GTF2H5: variants seen among roughly 807,000 people sequenced by gnomAD.
GTF2H5 encodes the protein general transcription factor IIH subunit 5.
Under a neutral mutation model 7.1 loss-of-function variants are expected in GTF2H5, and 5 were observed. The observed-to-expected ratio is 0.71, with a 90% confidence interval of 0.37 to 1.49. GTF2H5 has a LOEUF of 1.49. Among genes scored for constraint, GTF2H5 ranks in the 40% most tolerant of loss-of-function variants. The probability of loss-of-function intolerance (pLI) is 0.03; values close to 1 mark genes in which losing one functional copy is unlikely to be tolerated. For synonymous variants in GTF2H5, 30 were observed against 31.7 expected, an observed-to-expected ratio of 0.95 and a Z score of 0.18; for missense variants, 80 against 83.0, an observed-to-expected ratio of 0.96 and a Z score of 0.14.
rs1455513372 is a variant in GTF2H5 at position 158,169,574 on chromosome 6, A to G, written c.-34-896A>G. Among the ~76,000 whole-genome samples, 3 of 93,322 alleles carry G rather than the reference A, an allele frequency of 3.2e-5. 1 individual carries two copies. The highest frequency in any genetic ancestry group is 5.6e-5 in the Non-Finnish European group (3 of 53,480). 61.2% of individuals were successfully genotyped at this position (93,322 alleles called of 152,430 possible). On this transcript the variant is annotated intron_variant, in intron 1 of 2. Transcript: ENST00000607778. ...CTGTATATTATATATAATATATTGT[A>G]TATTATATATAATATATTGTATATT...
In GTF2H5 at chr6:158,179,295, GTTC is replaced by G. The variant is rs1277365774; in HGVS notation, c.35+8763_35+8765del. ...CAGGTAGCGTGATGCCTCTAGTTTT[GTTC>G]TTCTTGCACAGGATTGTCTTGGCTA... On this transcript the variant is annotated intron_variant, in intron 2 of 2. Transcript: ENST00000607778. 7.9e-5 allele frequency among the ~76,000 whole-genome samples: 12 copies of G among 152,268 alleles called. No homozygotes were observed. The South Asian group carries it at 1.7e-3, about 21-fold the overall frequency.
In GTF2H5 at chr6:158,175,036, G is replaced by GTATATA. The variant is rs1161216101; in HGVS notation, c.35+4499_35+4500insATATAT. On this transcript the variant is annotated intron_variant, in intron 2 of 2. Coordinates refer to ENST00000607778, the MANE Select transcript of GTF2H5 (RefSeq NM_207118.3). ...TGTGTGTGTGTGTGTGTGTGTGTGT[G>GTATATA]TGTGTGTGTATACACACACACACAC... is the stretch of plus-strand genomic sequence containing the variant. Among the ~76,000 whole-genome samples, 578 of 146,466 alleles carry GTATATA rather than the reference G, an allele frequency of 3.9e-3. 1 individual carries two copies. The highest frequency in any genetic ancestry group is 0.014 in the African/African-American group (532 of 39,044).
intron 2 of GTF2H5, among the ~76,000 whole-genome samples, chr6:158,175,605 A>G (rs1785923405): frequency 6.6e-6 from 1 of 152,172 alleles, no homozygotes; most frequent in Admixed American, 6.5e-5. Flanking sequence ...CTCTACTAAA[A>G]ATACAAAAAT....
chr6:158,175,112 T>C lies in GTF2H5; in HGVS notation c.35+4574T>C, dbSNP rs1340448427. 6.0e-5 allele frequency among the ~76,000 whole-genome samples: 9 copies of C among 151,062 alleles called. No individual in the cohort carries two copies. In the Admixed American group the frequency reaches 6.0e-4, roughly 10 times the overall value. The stretch of plus-strand genomic sequence containing the variant: ...TAAATATTTGTGTACTGAATAAATT[T>C]TGTTAACAGAATTGAGTCCAGGTTT... On this transcript the variant is annotated intron_variant, in intron 2 of 2. Coordinates refer to ENST00000607778, the MANE Select transcript of GTF2H5 (RefSeq NM_207118.3).
intron 2 of GTF2H5, among the ~76,000 whole-genome samples, chr6:158,176,486 A>C (rs945630739): frequency 2.0e-5 from 3 of 152,168 alleles, no homozygotes; most frequent in African/African-American, 4.8e-5. Flanking sequence ...CGGCCTCCCA[A>C]AATGCTGGGA....
At chr6:158,184,582 C>CA (rs1230888855) in intron 2 of GTF2H5, among the ~76,000 whole-genome samples, 2 of 152,164 alleles carry the variant, frequency 1.3e-5, no homozygotes, top group Non-Finnish European at 2.9e-5. Context: ...CTAATCTAGA[C>CA]ACCCATATCT....
intron 2 of GTF2H5, among the ~76,000 whole-genome samples, chr6:158,176,114 A>G (rs1339196829): frequency 1.3e-5 from 2 of 152,380 alleles, no homozygotes; most frequent in Non-Finnish European, 2.9e-5. Context: ...TTGCTCAGTT[A>G]CATAGCTATT....
At chr6:158,186,779 G>C (rs1274371183) in intron 2 of GTF2H5, among the ~76,000 whole-genome samples, 2 of 152,166 alleles carry the variant, frequency 1.3e-5, no homozygotes, top group Non-Finnish European at 2.9e-5. Flanking sequence ...CAAGGGGAAT[G>C]GGGGGCGGGC....
rs1562468011 is a variant in GTF2H5, at chr6:158,169,432, G to GTA, written c.-34-1034_-34-1033dup. 4.9e-4 allele frequency among the ~76,000 whole-genome samples: 28 copies of GTA among 56,884 alleles called. 1 individual carries two copies. The highest frequency in any genetic ancestry group is 2.4e-3 in the African/African-American group (28 of 11,624). The allele number at this position is 56,884 out of a possible 152,430, so 37.3% of individuals were successfully genotyped here. On this transcript the variant is annotated intron_variant, in intron 1 of 2. Coordinates refer to ENST00000607778, the MANE Select transcript of GTF2H5 (RefSeq NM_207118.3). ...TATTATATATTATATATAATATATT[G>GTA]TATATTATATATATTATATATTATA...
intron 2 of GTF2H5, among the ~76,000 whole-genome samples, chr6:158,188,166 G>T (rs1309587810): frequency 6.6e-6 from 1 of 152,168 alleles, no homozygotes. Context: ...GGGCACCACG[G>T]TCATATGAGT....
chr6:158,169,827 GTGTA>G (rs1301140547), intron 1 of GTF2H5, among the ~76,000 whole-genome samples: 4 of 81,094 alleles, frequency 4.9e-5, no homozygotes, highest in Admixed American at 2.0e-4. Flanking sequence ...ATATAAAAGT[GTGTA>G]TATATATACA....
chr6:158,188,139 G>A lies in GTF2H5; in HGVS notation c.36-3838G>A, dbSNP rs915687381. On this transcript the variant is annotated intron_variant, in intron 2 of 2. Transcript: ENST00000607778. ...ATAGAATATATTGAAGTACTTGTGG[G>A]GCCTGGAGAGTGAAGTGGGCACCAC... 1.4e-4 allele frequency among the ~76,000 whole-genome samples: 22 copies of A among 152,138 alleles called. 1 individual carries two copies. Among genetic ancestry groups the A allele is most frequent in the Non-Finnish European group, 1.5e-5 (1 of 68,028 alleles).
intron 2 of GTF2H5, among the ~76,000 whole-genome samples, chr6:158,191,521 C>T (rs1349752957): frequency 2.7e-5 from 4 of 148,964 alleles, no homozygotes; most frequent in South Asian, 2.1e-4. Flanking sequence ...CTCGCTCTGT[C>T]GCCCAGGCTG....
chr6:158,176,701 G>T (rs1562472121), intron 2 of GTF2H5, among the ~76,000 whole-genome samples: 1 of 152,184 alleles, frequency 6.6e-6, no homozygotes, highest in African/African-American at 2.4e-5. Context: ...GAGGTGTGGG[G>T]TGAGAAATCA....
intron 2 of GTF2H5, among the ~76,000 whole-genome samples, chr6:158,177,797 A>G (rs1785953081): frequency 6.6e-6 from 1 of 151,962 alleles, no homozygotes; most frequent in African/African-American, 2.4e-5. Context: ...TTCACCTCCC[A>G]CTTATGAGCG....
intron 1 of GTF2H5, among the ~76,000 whole-genome samples, 173 bp downstream of exon 1, chr6:158,168,568 G>C (rs1328440150): frequency 3.9e-5 from 6 of 152,342 alleles, no homozygotes; most frequent in Non-Finnish European, 8.8e-5. Context: ...CCGCACGGCA[G>C]TCCCCCCCTC....
intron 2 of GTF2H5, among the ~76,000 whole-genome samples, chr6:158,190,028 G>A (rs1222883524): frequency 6.6e-6 from 1 of 151,906 alleles, no homozygotes; most frequent in African/African-American, 2.4e-5. Context: ...TCTTCACTCA[G>A]GGGCCAGTAG....
At chr6:158,185,839 CA>C (rs1006011818) in intron 2 of GTF2H5, among the ~76,000 whole-genome samples, 3 of 151,598 alleles carry the variant, frequency 2.0e-5, no homozygotes, top group Admixed American at 6.6e-5. Context: ...CAAAAAAATA[CA>C]AAAAAAATCT....
chr6:158,191,152 C>G (rs796570809), intron 2 of GTF2H5, among the ~76,000 whole-genome samples: 18 of 152,228 alleles, frequency 1.2e-4, no homozygotes, highest in African/African-American at 4.1e-4. Flanking sequence ...AGATTAAGTA[C>G]CTATTCTATT....
Sources: gnomAD v4.1 joint callset for allele counts (sites outside exome capture counted in the v4.1 genomes callset) on GRCh38, gnomAD v4.1.1 for gene constraint, MANE v1.5 for transcripts, NCBI Gene and HGNC (gene_info 2026-07-23, HGNC 2026-07-21) for gene names.